Variants in SNCAIP observed in about 807,000 individuals in gnomAD.
SNCAIP encodes the protein synuclein alpha interacting protein, also known as synphilin-1.
In SNCAIP, 43 loss-of-function variants were observed where a neutral mutation model predicts 86.7. That is an observed-to-expected ratio of 0.50 (90% CI 0.39 to 0.64). The LOEUF (loss-of-function observed/expected upper bound fraction) is 0.64, where lower values mean the gene tolerates loss of function less well. SNCAIP is among the 30% of genes least tolerant of loss of function. SNCAIP has a pLI of 0.00. For synonymous variants in SNCAIP, 417 were observed against 427.2 expected, an observed-to-expected ratio of 0.98 and a Z score of 0.29; for missense variants, 981 against 1,103.1, an observed-to-expected ratio of 0.89 and a Z score of 1.57.
At chr5:122,453,177 G>A (rs956995500) in intron 10 of SNCAIP, among the ~76,000 whole-genome samples, 14 of 152,130 alleles carry the variant, frequency 9.2e-5, no homozygotes, top group Admixed American at 6.5e-4. Flanking sequence ...GTCTTAGGTC[G>A]CTAGTCTGCC....
intron 6 of SNCAIP, among the ~76,000 whole-genome samples, chr5:122,438,140 A>G (rs1410565413): frequency 6.6e-6 from 1 of 152,230 alleles, no homozygotes; most frequent in Non-Finnish European, 1.5e-5. Flanking sequence ...ATCAAGGAAT[A>G]CAGCAGGTCC....
At chr5:122,438,124 T>A (rs747438031) in intron 6 of SNCAIP, among the ~76,000 whole-genome samples, 1 of 152,188 alleles carries the variant, frequency 6.6e-6, no homozygotes, top group Admixed American at 6.5e-5. Flanking sequence ...AAGAAGTCTC[T>A]AGAATATCAA....
intron 3 of SNCAIP, among the ~76,000 whole-genome samples, chr5:122,422,010 GAA>G (rs377501212): frequency 7.1e-5 from 3 of 42,214 alleles, no homozygotes; most frequent in Admixed American, 2.4e-4. Context: ...ACAGAAATTA[GAA>G]AAAAAAAAAA....
At chr5:122,402,863 T>A (rs1185893566) in intron 2 of SNCAIP, among the ~76,000 whole-genome samples, 2 of 152,210 alleles carry the variant, frequency 1.3e-5, no homozygotes. Flanking sequence ...AAGAACATTG[T>A]CCTTAGAGGT....
rs1415466705 is a variant in SNCAIP at position 122,330,117 on chromosome 5, C to CCTTTTT, written c.-47+17833_-47+17834insCTTTTT. Among the ~76,000 whole-genome samples, 527 of 96,800 alleles carry CCTTTTT rather than the reference C, an allele frequency of 5.4e-3. 9 individuals are homozygous for CCTTTTT. The highest frequency in any genetic ancestry group is 0.021 in the African/African-American group (487 of 23,240). The allele number at this position is 96,800 out of a possible 152,430, so 63.5% of individuals were successfully genotyped here. A position where few individuals can be genotyped will look rare whatever the true frequency, so the allele number is the denominator to read the frequency against. Reference sequence around the variant, plus strand: ...CTTACCTCCGTGTACAACTTCATTTCTTTTTTTTTTTTTTTTTTTTTTGAG... The same window carrying CCTTTTT: ...CTTACCTCCGTGTACAACTTCATTTCCTTTTTTTTTTTTTTTTTTTTTTTTTTTGAG... On this transcript the variant is annotated intron_variant, in intron 1 of 10. Transcript: ENST00000261368.
chr5:122,392,984 TA>T (rs1423551668), intron 2 of SNCAIP, among the ~76,000 whole-genome samples: 1 of 152,184 alleles, frequency 6.6e-6, no homozygotes, highest in Admixed American at 6.5e-5. Context: ...CAGCAGCCCA[TA>T]ATTTTGATGA....
At chr5:122,462,543 T>G (rs968121248) in intron 10 of SNCAIP, among the ~76,000 whole-genome samples, 6 of 152,108 alleles carry the variant, frequency 3.9e-5, no homozygotes, top group African/African-American at 7.2e-5. Context: ...TCTCTAAAGT[T>G]CCAGTTAGAG....
Position 122,387,181 on chromosome 5 carries a change from C to T in SNCAIP, c.-46-3908C>T, listed in dbSNP as rs539492561. Among the ~76,000 whole-genome samples, 151 of 152,190 alleles carry T rather than the reference C, an allele frequency of 9.9e-4. 2 individuals carry two copies. Among genetic ancestry groups the T allele is most frequent in the Admixed American group, 8.4e-3 (129 of 15,290 alleles). Reference sequence around the variant, plus strand: ...TTGTTTGTTTGTTTGTTTTTTGCGACGGAGTCTCGTTCTGTCACCCAGACT... The same window carrying T: ...TTGTTTGTTTGTTTGTTTTTTGCGATGGAGTCTCGTTCTGTCACCCAGACT... On this transcript the variant is annotated intron_variant, in intron 1 of 10. Transcript: ENST00000261368.
intron 4 of SNCAIP, 99 bp from the exon 5 acceptor site, chr5:122,425,253 T>C (rs1361548814): frequency 1.1e-6 from 1 of 915,664 alleles, no homozygotes; most frequent in African/African-American, 1.6e-5. Context: ...CCAGAGCTTC[T>C]ATAAGCTCAT....
At position 122,404,001 on chromosome 5, in the gene SNCAIP, C is replaced by A. The variant is rs529140544; in HGVS notation, c.130+136C>A. ...TACGGCTTCTCCACTCACACCACCC[C>A]CCACCTCATGCCCTGCCTTCAACAA... On this transcript the variant is annotated intron_variant, in intron 3 of 10. Coordinates refer to ENST00000261368, the MANE Select transcript of SNCAIP (RefSeq NM_005460.4). 26 of 708,814 alleles carry A rather than the reference C, an allele frequency of 3.7e-5. No individual in the cohort carries two copies. In the African/African-American group the frequency reaches 3.7e-4, roughly 10 times the overall value. 43.9% of individuals were successfully genotyped at this position (708,814 alleles called of 1,614,324 possible).
rs762576870 is a variant in SNCAIP at position 122,391,122 on chromosome 5, G to T, written c.-13G>T. ...AAGTATTTGACCGTACTCAAAATGT[G>T]CAAGGAAGAATAATGGAAGCCCCTG... On this transcript the variant is annotated 5_prime_UTR_variant, in exon 2 of 11. Transcript: ENST00000261368. 1.2e-6 allele frequency: 2 copies of T among 1,607,178 alleles called. No individual in the cohort carries two copies. The highest frequency in any genetic ancestry group is 1.7e-4 in the Middle Eastern group (1 of 6,048).
At position 122,454,957 on chromosome 5, in the gene SNCAIP, A is replaced by T. The variant is rs541708899; in HGVS notation, c.2754+3356A>T. Among the ~76,000 whole-genome samples the T allele has an allele frequency of 5.9e-5, 9 of 152,310 alleles. No homozygotes were observed. In the South Asian group the frequency reaches 1.5e-3, roughly 25 times the overall value. ...TACTCAGTTATCTGATGCTAGGTTA[A>T]CACTTTCCTTCTCTAAGCTTAAGGA... is the stretch of plus-strand genomic sequence containing the variant. On this transcript the variant is annotated intron_variant, in intron 10 of 10. Transcript: ENST00000261368.
chr5:122,357,538 T>C, intron 1 of SNCAIP, among the ~76,000 whole-genome samples: 1 of 151,810 alleles, frequency 6.6e-6, no homozygotes, highest in South Asian at 2.1e-4. Flanking sequence ...TCAGCCAATG[T>C]TACCTTTTTA....
At chr5:122,403,293 G>A (rs1436205736) in intron 2 of SNCAIP, among the ~76,000 whole-genome samples, 1 of 152,172 alleles carries the variant, frequency 6.6e-6, no homozygotes, top group Non-Finnish European at 1.5e-5. Context: ...AGTAAAATCT[G>A]TGGCAAGTGG....
At chr5:122,463,340 AAG>A in intron 10 of SNCAIP, 149 bp from the exon 11 acceptor site, 1 of 626,710 alleles carries the variant, frequency 1.6e-6, no homozygotes, top group Non-Finnish European at 2.9e-6. Context: ...TTTACATGAA[AAG>A]AGAATAATTT....
At chr5:122,370,185 A>G (rs1341422031) in intron 1 of SNCAIP, among the ~76,000 whole-genome samples, 4 of 152,084 alleles carry the variant, frequency 2.6e-5, no homozygotes, top group Non-Finnish European at 5.9e-5. Flanking sequence ...TCCAAAATAT[A>G]TACATCTATT....
rs73285547 is a variant in SNCAIP at position 122,350,406 on chromosome 5, A to G, written c.-47+38122A>G. On this transcript the variant is annotated intron_variant, in intron 1 of 10. Coordinates refer to ENST00000261368, the MANE Select transcript of SNCAIP (RefSeq NM_005460.4). ...TAGTATTATTATTTTATTTCAGTAT[A>G]CAATAGTATATTTTAGTGTATACTA... 8.6e-3 allele frequency among the ~76,000 whole-genome samples: 1,302 copies of G among 152,210 alleles called. 18 individuals carry two copies. The highest frequency in any genetic ancestry group is 0.03 in the African/African-American group (1,247 of 41,556).
intron 1 of SNCAIP, among the ~76,000 whole-genome samples, chr5:122,376,270 T>C (rs1765295589): frequency 1.3e-5 from 2 of 152,148 alleles, no homozygotes; most frequent in Non-Finnish European, 2.9e-5. Context: ...TGTGTCTGCT[T>C]CTCTCTAAAA....
rs182087767 is a variant in SNCAIP, at chr5:122,403,090, T to C, written c.58-703T>C. Among the ~76,000 whole-genome samples the C allele has an allele frequency of 5.9e-5, 9 of 152,322 alleles. No homozygotes were observed. In the East Asian group the frequency reaches 1.5e-3, roughly 26 times the overall value. On this transcript the variant is annotated intron_variant, in intron 2 of 10. Transcript: ENST00000261368. ...ATTTGTTTTAGCTCTTCCAATTGTA[T>C]GCCCCCTTGTATCATAATTTATCCT... is the stretch of plus-strand genomic sequence containing the variant.
Sources: gnomAD v4.1 joint callset for allele counts (sites outside exome capture counted in the v4.1 genomes callset) on GRCh38, gnomAD v4.1.1 for gene constraint, MANE v1.5 for transcripts, NCBI Gene and HGNC (gene_info 2026-07-23, HGNC 2026-07-21) for gene names.